Variants in AGBL1 observed in about 807,000 individuals in gnomAD.
AGBL1 encodes the protein AGBL carboxypeptidase 1.
Under a neutral mutation model 118.9 loss-of-function variants are expected in AGBL1, and 130 were observed. The ratio of observed to expected loss-of-function variants is 1.09; its 90% CI spans 0.95 to 1.26. The LOEUF (loss-of-function observed/expected upper bound fraction) is 1.26, where lower values mean the gene tolerates loss of function less well. Among genes scored for constraint, AGBL1 ranks in the 50% most tolerant of loss-of-function variants. The pLI is 0.00. For missense variants in AGBL1, 1,584 were observed against 1,298.1 expected (o/e 1.22, Z -3.38); for synonymous variants, 555 against 478.9 (o/e 1.16, Z -2.08).
intron 17 of AGBL1, among the ~76,000 whole-genome samples, chr15:86,350,432 GAACAGAAGATATATGA>G (rs1232912332): frequency 6.6e-6 from 1 of 152,200 alleles, no homozygotes; most frequent in Admixed American, 6.5e-5. Context: ...TGTTGTATTG[GAACAGAAGATATATGA>G]AGATAATATG....
At chr15:86,756,749 A>T (rs1033640692) in intron 22 of AGBL1, among the ~76,000 whole-genome samples, 8 of 152,054 alleles carry the variant, frequency 5.3e-5, no homozygotes, top group African/African-American at 1.7e-4. Context: ...CGAATTGTAG[A>T]TTGAAGTCAA....
chr15:86,219,945 CTTTTTTTTTTT>C (rs68023928), intron 5 of AGBL1, among the ~76,000 whole-genome samples: 8 of 85,772 alleles, frequency 9.3e-5, no homozygotes, highest in Non-Finnish European at 1.5e-4. Context: ...AATGCTGCCT[CTTTTTTTTTTT>C]TTTTTTTTTT....
chr15:86,785,373 T>TTG (rs1555449847), intron 22 of AGBL1, among the ~76,000 whole-genome samples: 1 of 139,738 alleles, frequency 7.2e-6, no homozygotes, highest in Non-Finnish European at 1.5e-5. Context: ...TTTTTTTTTT[T>TTG]TTTTTGTTTT....
intron 17 of AGBL1, among the ~76,000 whole-genome samples, chr15:86,374,439 G>T (rs1188690296): frequency 2.6e-5 from 4 of 152,210 alleles, no homozygotes; most frequent in Non-Finnish European, 5.9e-5. Flanking sequence ...ATGAGAACCA[G>T]GCAGCACCTT....
At chr15:86,753,464 C>G (rs1027133314) in intron 22 of AGBL1, among the ~76,000 whole-genome samples, 1 of 136,828 alleles carries the variant, frequency 7.3e-6, no homozygotes, top group African/African-American at 2.8e-5. Context: ...GTGGCATGAT[C>G]TTGACTCACT....
chr15:86,679,513 AT>A (rs1347232946), intron 22 of AGBL1, among the ~76,000 whole-genome samples: 1 of 152,156 alleles, frequency 6.6e-6, no homozygotes, highest in East Asian at 1.9e-4. Context: ...AAACAGTATC[AT>A]TTATAATTTT....
chr15:86,829,086 A>G (rs533516690), intron 22 of AGBL1, among the ~76,000 whole-genome samples: 2 of 151,936 alleles, frequency 1.3e-5, no homozygotes, highest in Non-Finnish European at 2.9e-5. Flanking sequence ...TGGTTATTAC[A>G]TGTTGCCAGA....
intron 21 of AGBL1, among the ~76,000 whole-genome samples, chr15:86,596,928 A>T (rs2084416518): frequency 6.6e-6 from 1 of 152,188 alleles, no homozygotes; most frequent in Non-Finnish European, 1.5e-5. Context: ...AAGAGCAGGG[A>T]TATTTATCTG....
chr15:86,929,997 T>C (rs571079533), intron 23 of AGBL1, among the ~76,000 whole-genome samples: 1 of 152,354 alleles, frequency 6.6e-6, no homozygotes, highest in African/African-American at 2.4e-5. Flanking sequence ...TAGGTAGGTG[T>C]GTGTAAATTG....
chr15:86,440,484 G>GAAT (rs60498816), intron 18 of AGBL1, among the ~76,000 whole-genome samples: 1,932 of 144,490 alleles, frequency 0.013, 29 homozygotes, highest in East Asian at 0.062. Flanking sequence ...ATGGGATGGA[G>GAAT]AATAATAATA....
intron 1 of AGBL1, among the ~76,000 whole-genome samples, chr15:86,093,310 C>T (rs1043874238): frequency 3.9e-5 from 6 of 152,172 alleles, no homozygotes; most frequent in African/African-American, 1.4e-4. Flanking sequence ...AAGTTAAAAA[C>T]ATCATTGGTG....
At chr15:86,298,247 A>T (rs8024286) in intron 17 of AGBL1, among the ~76,000 whole-genome samples, 2,289 of 7,366 alleles carry the variant, frequency 0.31, 176 homozygotes, top group Admixed American at 0.48. Flanking sequence ...TCTGTGTATA[A>T]TATATATATA....
At position 86,143,439 on chromosome 15, in the gene AGBL1, C is replaced by G. The variant is rs145488322; in HGVS notation, c.116-260C>G. 1.7e-3 allele frequency among the ~76,000 whole-genome samples: 254 copies of G among 152,304 alleles called. 1 individual carries two copies. The highest frequency in any genetic ancestry group is 3.1e-3 in the Non-Finnish European group (213 of 68,030). ...ACATATACTGAATATTCAACAGAATCTCAGATAAGCTCTATTTATTACAGC... is the reference window on the plus strand; with the variant it reads ...ACATATACTGAATATTCAACAGAATGTCAGATAAGCTCTATTTATTACAGC... On this transcript the variant is annotated intron_variant, in intron 2 of 22. Coordinates refer to ENST00000614907, the MANE Select transcript of AGBL1 (RefSeq NM_001386094.1).
intron 24 of AGBL1, among the ~76,000 whole-genome samples, chr15:86,999,371 CT>C (rs1253872159): frequency 6.8e-6 from 1 of 147,064 alleles, no homozygotes; most frequent in Non-Finnish European, 1.5e-5. Context: ...TCCCTCCCCC[CT>C]GCCACCACCC....
At chr15:86,988,186 G>T in intron 24 of AGBL1, 1 of 1,420,984 alleles carries the variant, frequency 7.0e-7, no homozygotes, top group Admixed American at 2.2e-5. Context: ...CAAAGAGAAA[G>T]TAAATGGGTG....
At chr15:86,820,940 T>C (rs1161034589) in intron 22 of AGBL1, among the ~76,000 whole-genome samples, 4 of 152,130 alleles carry the variant, frequency 2.6e-5, no homozygotes, top group Non-Finnish European at 5.9e-5. Context: ...AAAATGCCCA[T>C]TAATGATAGA....
At chr15:86,379,965 A>C (rs1439883762) in intron 17 of AGBL1, among the ~76,000 whole-genome samples, 1 of 152,178 alleles carries the variant, frequency 6.6e-6, no homozygotes, top group Non-Finnish European at 1.5e-5. Context: ...TTAAATGATG[A>C]CTTGATTTGT....
intron 1 of AGBL1, among the ~76,000 whole-genome samples, chr15:86,085,495 C>A (rs1438332808): frequency 6.6e-6 from 1 of 152,158 alleles, no homozygotes; most frequent in African/African-American, 2.4e-5. Context: ...GACAGTCAAC[C>A]AAGGTGATAA....
chr15:86,814,234 A>G (rs1429963591), intron 22 of AGBL1, among the ~76,000 whole-genome samples: 1 of 152,190 alleles, frequency 6.6e-6, no homozygotes, highest in African/African-American at 2.4e-5. Context: ...TGAATTGTGC[A>G]TATGAAGGAT....
Sources: allele counts gnomAD v4.1 joint callset (sites outside exome capture counted in the v4.1 genomes callset), GRCh38; gene constraint gnomAD v4.1.1; transcripts MANE v1.5; gene names NCBI Gene and HGNC (gene_info 2026-07-23, HGNC 2026-07-21).